The following ADGRA1 variants were observed in gnomAD, a reference collection of about 807,000 sequenced individuals.
ADGRA1 encodes G-protein coupled receptor 123.
Under a neutral mutation model 21.3 loss-of-function variants are expected in ADGRA1, and 12 were observed. That is an observed-to-expected ratio of 0.56 (90% CI 0.36 to 0.91). The LOEUF is 0.91. ADGRA1 is among the 40% of genes least tolerant of loss of function. ADGRA1 has a pLI of 0.01. For missense variants in ADGRA1, 790 were observed against 805.6 expected, an observed-to-expected ratio of 0.98 and a Z score of 0.23; for synonymous variants, 385 against 368.8, an observed-to-expected ratio of 1.04 and a Z score of -0.50.
At chr10:133,114,582 A>C (rs1400661225) in intron 5 of ADGRA1, among the ~76,000 whole-genome samples, 1 of 152,130 alleles carries the variant, frequency 6.6e-6, no homozygotes. Flanking sequence ...CTCAGAGGTT[A>C]TCGAATGCCG....
chr10:133,112,088 G>A (rs1158617198), intron 5 of ADGRA1, among the ~76,000 whole-genome samples: 1 of 151,008 alleles, frequency 6.6e-6, no homozygotes, highest in Non-Finnish European at 1.5e-5. Context: ...CTGCTGGCCA[G>A]CCCACTTTGA....
chr10:133,112,211 G>C (rs1274313109), intron 5 of ADGRA1, among the ~76,000 whole-genome samples: 1 of 152,254 alleles, frequency 6.6e-6, no homozygotes, highest in Non-Finnish European at 1.5e-5. Context: ...GTGCTCGGGG[G>C]CTGATTCCCC....
rs528736253 is a variant in ADGRA1, at chr10:133,121,731, T to TTG, written c.402-5493_402-5492dup. Among the ~76,000 whole-genome samples, 73 of 103,012 alleles carry TTG rather than the reference T, an allele frequency of 7.1e-4. No homozygotes were observed. In the South Asian group the frequency reaches 8.0e-3, roughly 11 times the overall value. 67.6% of individuals were successfully genotyped at this position (103,012 alleles called of 152,430 possible). ...TGTGCCAGTGTGCGTGTGAGTGTGC[T>TTG]TGTGTGTGTGGTGTGTGCCAGTGTG... On this transcript the variant is annotated intron_variant, in intron 5 of 6. Transcript: ENST00000392607.
At chr10:133,120,432 T>C (rs1852233251) in intron 5 of ADGRA1, among the ~76,000 whole-genome samples, 1 of 152,210 alleles carries the variant, frequency 6.6e-6, no homozygotes, top group Non-Finnish European at 1.5e-5. Context: ...ATATCTTGTT[T>C]AGTGCAGCCT....
At chr10:133,126,008 T>G (rs1164199301) in intron 5 of ADGRA1, among the ~76,000 whole-genome samples, 1 of 152,194 alleles carries the variant, frequency 6.6e-6, no homozygotes, top group Non-Finnish European at 1.5e-5. Flanking sequence ...CTATTTATCC[T>G]TCAGCGTTTC....
In ADGRA1 at chr10:133,131,534, G is replaced by A. The variant is rs1406518052; in HGVS notation, c.*2023G>A. ...GCCCCCGTCTGTGTCCTGGATCCTG[G>A]GGCAGGGCTGCTCTCCCTGGCCCCT... On this transcript the variant is annotated 3_prime_UTR_variant, in exon 7 of 7. Transcript: ENST00000392607. 6.6e-6 allele frequency: 1 copy of A among 152,418 alleles called. No individual in the cohort carries two copies. Among genetic ancestry groups the A allele is most frequent in the African/African-American group, 2.4e-5 (1 of 41,434 alleles). 9.4% of individuals were successfully genotyped at this position (152,418 alleles called of 1,614,324 possible).
rs1380532793 is a variant in ADGRA1 at position 133,088,920 on chromosome 10, CG to C, written c.3+13del. 8.1e-7 allele frequency: 1 copy of C among 1,241,092 alleles called. No individual in the cohort carries two copies. The allele number at this position is 1,241,092 out of a possible 1,614,324, so 76.9% of individuals were successfully genotyped here. ...AACTTTGCAGCGCTCATGGTGAGTA[CG>C]GGGGTCCCGGGGGTCCTGCAGCTGG... On this transcript the variant is annotated intron_variant, in intron 2 of 6. Coordinates refer to ENST00000392607, the MANE Select transcript of ADGRA1 (RefSeq NM_001083909.3).
intron 2 of ADGRA1, chr10:133,093,102 C>A: frequency 6.3e-7 from 1 of 1,596,930 alleles, no homozygotes; most frequent in Non-Finnish European, 8.5e-7. Context: ...GACCTAGCCC[C>A]GGACACCTCA....
chr10:133,128,546 GC>G lies in ADGRA1; in HGVS notation c.723del (p.Gly242AlafsTer55), dbSNP rs1433834768. On this transcript the variant is annotated frameshift_variant, in exon 7 of 7. Transcript: ENST00000392607. LOFTEE classifies it low-confidence loss of function (END_TRUNC). Reference protein sequence around the residue: ...IRPGTPPAHDAPGASVLQNEH... With the variant: ...IRPGTPPAHDXPGASVLQNEH... ...GCCAGGCACCCCACCCGCACACGAT[GC>G]CCCCGGCGCCTCCGTGCTGCAGAAC... The G allele has an allele frequency of 6.4e-7, 1 of 1,551,650 alleles. No homozygotes were observed. The highest frequency in any genetic ancestry group is 8.7e-7 in the Non-Finnish European group (1 of 1,149,716).
intron 5 of ADGRA1, among the ~76,000 whole-genome samples, chr10:133,111,086 TG>T (rs1851982650): frequency 6.9e-6 from 1 of 144,080 alleles, no homozygotes; most frequent in African/African-American, 2.5e-5. Flanking sequence ...GCCACCTGCC[TG>T]CCATGGGCAG....
chr10:133,118,524 C>A (rs1852197651), intron 5 of ADGRA1, among the ~76,000 whole-genome samples: 1 of 152,058 alleles, frequency 6.6e-6, no homozygotes. Context: ...ACAGTCCTGG[C>A]AGAAGGGGAA....
At chr10:133,089,142 T>G (rs1335107724) in intron 2 of ADGRA1, 1 of 706,944 alleles carries the variant, frequency 1.4e-6, no homozygotes, top group Non-Finnish European at 2.0e-6. Context: ...TACTAATGAG[T>G]TGCAGGCATA....
At chr10:133,108,251 G>T (rs1395978264) in intron 5 of ADGRA1, among the ~76,000 whole-genome samples, 6 of 152,238 alleles carry the variant, frequency 3.9e-5, no homozygotes, top group Non-Finnish European at 8.8e-5. Context: ...CCAGAGCTCT[G>T]CCTCGGGGCC....
rs9419119 is a variant in ADGRA1, at chr10:133,126,086, G to A, written c.402-1147G>A. Among the ~76,000 whole-genome samples the A allele has an allele frequency of 5.2e-3, 788 of 152,324 alleles. 3 individuals carry two copies. The highest frequency in any genetic ancestry group is 0.018 in the African/African-American group (741 of 41,570). ...CAGCCCAGGGGCTTCCTGCTGTTCT[G>A]GTGAAGTCCGCAGCACGGACCCTCG... On this transcript the variant is annotated intron_variant, in intron 5 of 6. Transcript: ENST00000392607.
chr10:133,111,783 C>CCCACCAGACCA (rs1564849369), intron 5 of ADGRA1, among the ~76,000 whole-genome samples: 1 of 120,384 alleles, frequency 8.3e-6, no homozygotes, highest in Non-Finnish European at 1.6e-5. Context: ...CCCTCCTAAT[C>CCCACCAGACCA]CCTCCAGACC....
intron 2 of ADGRA1, among the ~76,000 whole-genome samples, chr10:133,096,635 G>A (rs1851694409): frequency 6.6e-6 from 1 of 152,240 alleles, no homozygotes; most frequent in African/African-American, 2.4e-5. Context: ...GCAGGCCACG[G>A]GAAGAGAGGA....
rs1303899473 is a variant in ADGRA1 at position 133,112,968 on chromosome 10, TGCGGGCCGC to T, written c.401+10128_401+10136del. Among the ~76,000 whole-genome samples the T allele has an allele frequency of 3.7e-4, 55 of 149,284 alleles. 2 individuals carry two copies. The highest frequency in any genetic ancestry group is 4.0e-4 in the Non-Finnish European group (27 of 67,458). On this transcript the variant is annotated intron_variant, in intron 5 of 6. Coordinates refer to ENST00000392607, the MANE Select transcript of ADGRA1 (RefSeq NM_001083909.3). The stretch of plus-strand genomic sequence containing the variant: ...CGGGCTGTGTCGGTTATTTGGGGTC[TGCGGGCCGC>T]GTCAGTTATTTGGGGTCTATAAGCT...
intron 5 of ADGRA1, among the ~76,000 whole-genome samples, chr10:133,108,725 G>A (rs12761126): frequency 0.14 from 20,843 of 152,082 alleles, 1,762 homozygotes; most frequent in Non-Finnish European, 0.18. Context: ...CACATTTGCC[G>A]CAGCCTCCTG....
chr10:133,128,903 C>T lies in ADGRA1; in HGVS notation c.1075C>T (p.Pro359Ser). ...CCAGCCACGGGGCTTCGCGCACCCACCGGGCCCCTGCAAGATGACCAACCT... is the reference window on the plus strand; with the variant it reads ...CCAGCCACGGGGCTTCGCGCACCCATCGGGCCCCTGCAAGATGACCAACCT... ...LGQPRGFAHP[P>S]GPCKMTNLQA... Residue 359 changes from proline to serine, a missense_variant, in exon 7 of 7, where the codon CCG becomes TCG. By Grantham distance (74) the Pro-to-Ser change is moderately conservative. Coordinates refer to ENST00000392607, the MANE Select transcript of ADGRA1 (RefSeq NM_001083909.3). 6.4e-7 allele frequency: 1 copy of T among 1,557,760 alleles called. No individual in the cohort carries two copies. The highest frequency in any genetic ancestry group is 8.7e-7 in the Non-Finnish European group (1 of 1,154,730).
Sources: allele counts gnomAD v4.1 joint callset (sites outside exome capture counted in the v4.1 genomes callset), GRCh38; gene constraint gnomAD v4.1.1; transcripts MANE v1.5; gene names NCBI Gene and HGNC (gene_info 2026-07-23, HGNC 2026-07-21).